The following SCN2A variants were observed in gnomAD, a reference collection of about 807,000 sequenced individuals.
SCN2A encodes the protein sodium voltage-gated channel alpha subunit 2.
Under a neutral mutation model 188.7 loss-of-function variants are expected in SCN2A, and 20 were observed. That is an observed-to-expected ratio of 0.11 (90% CI 0.07 to 0.15). SCN2A has a LOEUF of 0.15. Ranked by LOEUF, SCN2A falls within the 10% of genes least tolerant of loss-of-function variation. SCN2A has a pLI of 1.00. For missense variants in SCN2A, 1,278 were observed against 2,445.0 expected (o/e 0.52, Z 10.07); for synonymous variants, 804 against 833.1 (o/e 0.97, Z 0.60).
At chr2:165,265,471 C>CCATATATATATA (rs1553560051) in intron 1 of SCN2A, among the ~76,000 whole-genome samples, 2 of 29,018 alleles carry the variant, frequency 6.9e-5, no homozygotes, top group Admixed American at 5.1e-4. Flanking sequence ...CTCTGTTGAT[C>CCATATATATATA]TATATATATA....
In SCN2A at chr2:165,390,352, A is replaced by C; in HGVS notation, c.*528A>C. 6.3e-6 allele frequency: 1 copy of C among 159,340 alleles called. No homozygotes were observed. The highest frequency in any genetic ancestry group is 1.4e-5 in the Non-Finnish European group (1 of 71,832). 9.9% of individuals were successfully genotyped at this position (159,340 alleles called of 1,614,324 possible). ...AGGGAATTCTACATTTCTCTATTGT[A>C]TTGTATAACTGGATATATTTTAAAT... On this transcript the variant is annotated 3_prime_UTR_variant, in exon 27 of 27. Transcript: ENST00000375437.
chr2:165,389,464 A>C lies in SCN2A; in HGVS notation c.5658A>C (p.Ser1886=), dbSNP rs902710874. Residue 1886 remains serine, a synonymous_variant, in exon 27 of 27, where the codon TCA becomes TCC. Coordinates refer to ENST00000375437, the MANE Select transcript of SCN2A (RefSeq NM_001040142.2). This position sits in a 1 kb window ranked among gnomAD's most constrained non-coding sequence, Gnocchi z 4.2. ...RIQMEERFMA[S]NPSKVSYEPI... ...AGATGGAAGAGCGATTCATGGCATC[A>C]AACCCCTCCAAAGTCTCTTATGAGC... 27 of 1,613,876 alleles carry C rather than the reference A, an allele frequency of 1.7e-5. No homozygotes were observed. The highest frequency in any genetic ancestry group is 2.3e-5 in the Non-Finnish European group (27 of 1,179,988).
chr2:165,377,547 C>T (rs753985055), intron 22 of SCN2A, 50 bp from the exon 23 acceptor site: 30 of 1,457,040 alleles, frequency 2.1e-5, no homozygotes, highest in Non-Finnish European at 2.8e-5. Context: ...AATTTATTTT[C>T]TAAAATTATA....
intron 13 of SCN2A, among the ~76,000 whole-genome samples, chr2:165,330,933 C>A (rs919736054): frequency 6.6e-6 from 1 of 152,164 alleles, no homozygotes; most frequent in Non-Finnish European, 1.5e-5. Flanking sequence ...TTCAGTGTGA[C>A]TGATTAAGGT....
At chr2:165,388,533 C>A in intron 26 of SCN2A, 96 bp from the exon 27 acceptor site, 1 of 1,526,526 alleles carries the variant, frequency 6.6e-7, no homozygotes, top group Non-Finnish European at 9.0e-7. Context: ...ACCTAACTGT[C>A]CTGTTCACAT....
At chr2:165,350,542 G>A (rs1294426133) in intron 16 of SCN2A, among the ~76,000 whole-genome samples, 1 of 135,448 alleles carries the variant, frequency 7.4e-6, no homozygotes, top group Non-Finnish European at 1.5e-5. Flanking sequence ...GCGGGATCTC[G>A]GCTCACTGCA....
In SCN2A at chr2:165,354,667, A is replaced by C. The variant is rs2105337628; in HGVS notation, c.3395A>C (p.Lys1132Thr). The change falls in exon 17 of 27, where the codon AAA becomes ACA. Residue 1132 changes from lysine to threonine, a missense_variant. By Grantham distance (78) the Lys-to-Thr change is moderately conservative. Coordinates refer to ENST00000375437, the MANE Select transcript of SCN2A (RefSeq NM_001040142.2). The stretch of plus-strand genomic sequence containing the variant: ...AGCGAGTCAGATATGGAGGAAAGCA[A>C]AGAGGTAAAAATGTTTAAATAAGGA... ...FSSESDMEESKEKLNATSSSE... is the reference protein window; with the variant it reads ...FSSESDMEESTEKLNATSSSE... 6.2e-7 allele frequency: 1 copy of C among 1,613,346 alleles called. No individual in the cohort carries two copies. Among genetic ancestry groups the C allele is most frequent in the Non-Finnish European group, 8.5e-7 (1 of 1,179,886 alleles).
chr2:165,334,389 AT>A (rs1414920422), intron 14 of SCN2A, among the ~76,000 whole-genome samples: 1 of 151,878 alleles, frequency 6.6e-6, no homozygotes, highest in Non-Finnish European at 1.5e-5. Flanking sequence ...CCTCAACAAA[AT>A]ACTAGAAGCC....
At chr2:165,301,855 A>G (rs536440231) in intron 3 of SCN2A, among the ~76,000 whole-genome samples, 6 of 152,206 alleles carry the variant, frequency 3.9e-5, no homozygotes, top group African/African-American at 1.4e-4. Flanking sequence ...GTTCTGTCTC[A>G]TTTTGTAGAT....
rs531673516 is a variant in SCN2A, at chr2:165,342,664, T to C, written c.2562+195T>C. On this transcript the variant is annotated intron_variant, in intron 15 of 26. Transcript: ENST00000375437. ...TAATAAAGTTCACTTAAATGAATAG[T>C]CTACACTTCTCTTCTTAGTTATTGA... Among the ~76,000 whole-genome samples the C allele has an allele frequency of 3.9e-5, 6 of 152,340 alleles. No homozygotes were observed. The South Asian group carries it at 1.2e-3, about 32-fold the overall frequency.
At chr2:165,247,510 A>G (rs1344243621) in intron 1 of SCN2A, among the ~76,000 whole-genome samples, 1 of 152,070 alleles carries the variant, frequency 6.6e-6, no homozygotes, top group African/African-American at 2.4e-5. Flanking sequence ...GCAATATTGG[A>G]GACAGTTCAT....
rs886321810 is a variant in SCN2A at position 165,247,731 on chromosome 2, G to A, written c.-52+8091G>A. Among the ~76,000 whole-genome samples the A allele has an allele frequency of 7.2e-4, 109 of 151,992 alleles. 1 individual carries two copies. Among genetic ancestry groups the A allele is most frequent in the Non-Finnish European group, 2.6e-4 (18 of 68,012 alleles). The stretch of plus-strand genomic sequence containing the variant: ...TTTTGATCCCATTGAGTTTTATGGC[G>A]TTAAATGCCATATAAATCATGATGA... On this transcript the variant is annotated intron_variant, in intron 1 of 26. Transcript: ENST00000375437.
At chr2:165,293,863 G>A (rs1696345050) in intron 1 of SCN2A, 2 of 984,922 alleles carry the variant, frequency 2.0e-6, no homozygotes, top group Non-Finnish European at 2.4e-6. Context: ...TGTGTACGCT[G>A]TGAAGGTGTT....
intron 11 of SCN2A, among the ~76,000 whole-genome samples, chr2:165,317,426 T>C (rs566849828): frequency 5.9e-5 from 9 of 151,870 alleles, no homozygotes; most frequent in African/African-American, 2.2e-4. Context: ...AGATAGAGTA[T>C]TTTTGCCTAC....
At chr2:165,270,844 AC>A (rs1335928777) in intron 1 of SCN2A, 1 of 152,144 alleles carries the variant, frequency 6.6e-6, no homozygotes, top group Non-Finnish European at 1.5e-5. Flanking sequence ...CCTTTTATAA[AC>A]AAAAAGCAAT....
chr2:165,263,641 G>A (rs971895508), intron 1 of SCN2A, among the ~76,000 whole-genome samples: 2 of 152,020 alleles, frequency 1.3e-5, no homozygotes, highest in Non-Finnish European at 2.9e-5. Context: ...TTGAATTCAG[G>A]TAATGTGATG....
At chr2:165,289,918 G>A (rs570212902) in intron 1 of SCN2A, among the ~76,000 whole-genome samples, 38 of 152,250 alleles carry the variant, frequency 2.5e-4, no homozygotes, top group African/African-American at 9.1e-4. Context: ...TTCTGATAGT[G>A]CATAATTCCA....
chr2:165,241,744 C>G (rs760366627), intron 1 of SCN2A, among the ~76,000 whole-genome samples: 3 of 152,178 alleles, frequency 2.0e-5, no homozygotes, highest in Non-Finnish European at 4.4e-5. Context: ...CAGCACCTAT[C>G]TTGTGCCAGG....
chr2:165,368,450 C>T (rs1490989372), intron 19 of SCN2A, among the ~76,000 whole-genome samples: 1 of 152,100 alleles, frequency 6.6e-6, no homozygotes, highest in African/African-American at 2.4e-5. Flanking sequence ...GTGGAGCCCT[C>T]GCCAGGTACC....
Sources: gnomAD v4.1 joint callset for allele counts (sites outside exome capture counted in the v4.1 genomes callset) on GRCh38, gnomAD v4.1.1 for gene constraint, Gnocchi (gnomAD v3.1) non-coding constraint, MANE v1.5 for transcripts, NCBI Gene and HGNC (gene_info 2026-07-23, HGNC 2026-07-21) for gene names.